The following SIPA1L2 variants were observed in gnomAD, a reference collection of about 807,000 sequenced individuals.
SIPA1L2 encodes signal induced proliferation associated 1 like 2.
A neutral mutation model predicts 163.9 loss-of-function variants in SIPA1L2; 56 were observed. That is an observed-to-expected ratio of 0.34 (90% CI 0.28 to 0.43). The LOEUF is 0.43. Among genes scored for constraint, SIPA1L2 ranks in the 20% least tolerant of loss-of-function variants. The probability of loss-of-function intolerance (pLI) is 1.00; values close to 1 mark genes in which losing one functional copy is unlikely to be tolerated. For missense variants in SIPA1L2, 1,974 were observed against 2,193.5 expected, an observed-to-expected ratio of 0.90 and a Z score of 2.00; for synonymous variants, 877 against 865.7, an observed-to-expected ratio of 1.01 and a Z score of -0.23.
chr1:232,426,310 AT>A (rs1316501720), intron 17 of SIPA1L2, among the ~76,000 whole-genome samples: 2 of 152,242 alleles, frequency 1.3e-5, no homozygotes, highest in Non-Finnish European at 2.9e-5. Flanking sequence ...TGCCGGCCAC[AT>A]AAACACATTT....
chr1:232,608,576 AT>A (rs1384826258), intron 1 of SIPA1L2, among the ~76,000 whole-genome samples: 1 of 152,156 alleles, frequency 6.6e-6, no homozygotes, highest in East Asian at 1.9e-4. Flanking sequence ...AGACATTAAC[AT>A]GGTCCTCCTC....
chr1:232,455,917 G>A (rs1183642315), intron 10 of SIPA1L2, among the ~76,000 whole-genome samples: 2 of 152,014 alleles, frequency 1.3e-5, no homozygotes, highest in Non-Finnish European at 2.9e-5. Flanking sequence ...ACATGGACAC[G>A]AAGAAAGGAA....
chr1:232,403,093 A>G (rs1660438911), intron 21 of SIPA1L2, among the ~76,000 whole-genome samples: 1 of 152,230 alleles, frequency 6.6e-6, no homozygotes, highest in South Asian at 2.1e-4. Flanking sequence ...TGGAAGGCCA[A>G]TCGGCGAGTT....
At chr1:232,424,322 CAAAAA>C (rs55961523) in intron 18 of SIPA1L2, among the ~76,000 whole-genome samples, 6 of 71,792 alleles carry the variant, frequency 8.4e-5, no homozygotes, top group African/African-American at 2.2e-4. Flanking sequence ...GTGAAGCTAA[CAAAAA>C]AAAAAAAAAA....
intron 10 of SIPA1L2, 110 bp downstream of exon 10, chr1:232,460,777 A>G (rs1396986845): frequency 5.2e-6 from 7 of 1,339,368 alleles, no homozygotes; most frequent in Non-Finnish European, 7.1e-6. Context: ...AACACTGTAC[A>G]AAGACACACT....
chr1:232,465,914 G>A lies in SIPA1L2; in HGVS notation c.2244-498C>T, dbSNP rs1054137615. 1.3e-4 allele frequency among the ~76,000 whole-genome samples: 19 copies of A among 151,592 alleles called. No homozygotes were observed. The highest frequency in any genetic ancestry group is 4.6e-4 in the African/African-American group (19 of 41,220). On this transcript the variant is annotated intron_variant, in intron 8 of 22. Transcript: ENST00000674635. The surrounding 1 kb of genome is among the most constrained non-coding windows in gnomAD (Gnocchi z 4.1). ...CCATGTGAAGACACAAGGAGAAGAC[G>A]GCCATCCATAAGCCAAGGGGAGAGG...
intron 3 of SIPA1L2, among the ~76,000 whole-genome samples, chr1:232,501,551 C>A (rs1418211644): frequency 1.3e-5 from 2 of 152,108 alleles, no homozygotes; most frequent in East Asian, 3.9e-4. Context: ...GGGCTGAGCA[C>A]CTCATTGTGT....
At chr1:232,435,116 G>A (rs1662478319) in intron 15 of SIPA1L2, among the ~76,000 whole-genome samples, 1 of 152,114 alleles carries the variant, frequency 6.6e-6, no homozygotes, top group Admixed American at 6.5e-5. Context: ...ATGTTTCGTT[G>A]TTAAAGGCTG....
At chr1:232,519,221 T>C (rs929453210) in intron 2 of SIPA1L2, among the ~76,000 whole-genome samples, 28 of 152,322 alleles carry the variant, frequency 1.8e-4, no homozygotes, top group Non-Finnish European at 3.8e-4. Context: ...AAGAAAAGAA[T>C]GTCATACTTC....
intron 1 of SIPA1L2, among the ~76,000 whole-genome samples, chr1:232,587,768 G>A (rs1660747759): frequency 6.6e-6 from 1 of 152,114 alleles, no homozygotes; most frequent in African/African-American, 2.4e-5. Context: ...CTCGTGTTGT[G>A]GGAGGGACCC....
At chr1:232,445,810 G>A (rs1246588082) in intron 10 of SIPA1L2, 24 bp from the exon 11 acceptor site, 1 of 1,603,430 alleles carries the variant, frequency 6.2e-7, no homozygotes, top group Non-Finnish European at 8.5e-7. Flanking sequence ...AAGAAATGGT[G>A]AGAAGGGAAG....
intron 1 of SIPA1L2, among the ~76,000 whole-genome samples, chr1:232,621,119 A>G (rs765308141): frequency 2.2e-4 from 34 of 152,248 alleles, no homozygotes; most frequent in Non-Finnish European, 2.9e-4. Context: ...GCATGATCAC[A>G]GAAGGACCCA....
chr1:232,442,012 G>C, intron 12 of SIPA1L2, 144 bp from the exon 13 acceptor site: 1 of 653,948 alleles, frequency 1.5e-6, no homozygotes, highest in Non-Finnish European at 2.6e-6. Context: ...AATGCAAATT[G>C]TCAGCTCAGC....
At chr1:232,543,963 G>A (rs1410425607) in intron 2 of SIPA1L2, among the ~76,000 whole-genome samples, 7 of 152,070 alleles carry the variant, frequency 4.6e-5, no homozygotes, top group African/African-American at 1.7e-4. Context: ...TGGAGGGAGG[G>A]GGTTGGTGCC....
chr1:232,433,768 G>A (rs1354658098), intron 15 of SIPA1L2, among the ~76,000 whole-genome samples: 1 of 152,066 alleles, frequency 6.6e-6, no homozygotes, highest in African/African-American at 2.4e-5. Flanking sequence ...TTAAATTATA[G>A]GTCTAATCTC....
chr1:232,481,068 C>T (rs769450004), intron 6 of SIPA1L2, among the ~76,000 whole-genome samples: 2 of 152,068 alleles, frequency 1.3e-5, no homozygotes, highest in Non-Finnish European at 2.9e-5. Flanking sequence ...AATTAATTTA[C>T]AGATGGAGAG....
intron 2 of SIPA1L2, among the ~76,000 whole-genome samples, chr1:232,549,976 T>C (rs1392739312): frequency 6.6e-6 from 1 of 152,234 alleles, no homozygotes; most frequent in Non-Finnish European, 1.5e-5. Context: ...ACAGTGAATT[T>C]CTTTTTCATT....
chr1:232,432,585 G>A (rs924234171), intron 15 of SIPA1L2, 114 bp from the exon 16 acceptor site: 9 of 960,866 alleles, frequency 9.4e-6, no homozygotes, highest in Middle Eastern at 2.2e-4. Flanking sequence ...GAGCAAAATC[G>A]GGCCCAGTGA....
intron 3 of SIPA1L2, among the ~76,000 whole-genome samples, chr1:232,502,599 C>T (rs1219994490): frequency 6.6e-6 from 1 of 152,176 alleles, no homozygotes; most frequent in Non-Finnish European, 1.5e-5. Flanking sequence ...GCCTACCTTG[C>T]CAATCTATGT....
Sources: allele counts gnomAD v4.1 joint callset (sites outside exome capture counted in the v4.1 genomes callset), GRCh38; gene constraint gnomAD v4.1.1; non-coding constraint Gnocchi (gnomAD v3.1); transcripts MANE v1.5; gene names NCBI Gene and HGNC (gene_info 2026-07-23, HGNC 2026-07-21).